NFYB: variants seen among roughly 807,000 people sequenced by gnomAD.
NFYB encodes CAAT box DNA-binding protein subunit B.
In NFYB, 13 loss-of-function variants were observed where a neutral mutation model predicts 28.0. The observed-to-expected ratio is 0.46, with a 90% CI of 0.30 to 0.74. The LOEUF is 0.74. Among genes scored for constraint, NFYB ranks in the 30% least tolerant of loss-of-function variants. The pLI, the probability that NFYB is intolerant of heterozygous loss-of-function variation, is 0.07. For synonymous variants in NFYB, 74 were observed against 75.0 expected, an observed-to-expected ratio of 0.99 and a Z score of 0.07; for missense variants, 142 against 247.6, an observed-to-expected ratio of 0.57 and a Z score of 2.86.
intron 1 of NFYB, 159 bp downstream of exon 1, chr12:104,137,982 G>T (rs1170831849): frequency 6.9e-6 from 1 of 144,948 alleles, no homozygotes; most frequent in Admixed American, 6.8e-5. Flanking sequence ...CCTCGCAGGC[G>T]CGGGGCCCGG....
At chr12:104,131,961 A>G (rs1291966342) in intron 2 of NFYB, 1 of 348,404 alleles carries the variant, frequency 2.9e-6, no homozygotes, top group African/African-American at 2.1e-5. Flanking sequence ...AACAAACTGG[A>G]TGAGAACAAG....
chr12:104,126,417 T>A (rs2030717131), intron 3 of NFYB, among the ~76,000 whole-genome samples, 173 bp from the exon 4 acceptor site: 1 of 152,210 alleles, frequency 6.6e-6, no homozygotes, highest in African/African-American at 2.4e-5. Flanking sequence ...ACTGAACTTT[T>A]TTTTTATTAA....
Position 104,126,237 on chromosome 12 carries a change from C to T in NFYB, c.108G>A (p.Glu36=), listed in dbSNP as rs137893701. The change falls in exon 4 of 8, where the codon GAG becomes GAA. Residue 36 remains glutamate (E), a synonymous_variant. Transcript: ENST00000240055. ...HYVIQPHDDT[E]DSMNDHEDTN... ...TGTCTTCATGATCATTCATGCTGTC[C>T]TCAGTATCTAAAGAAATAAAAATAT... The T allele has an allele frequency of 9.0e-5, 141 of 1,568,482 alleles. No individual in the cohort carries two copies. Among genetic ancestry groups the T allele is most frequent in the Non-Finnish European group, 1.1e-4 (124 of 1,163,264 alleles).
In NFYB at chr12:104,133,016, C is replaced by G. The variant is rs138624770; in HGVS notation, c.6+2432G>C. Among the ~76,000 whole-genome samples the G allele has an allele frequency of 3.2e-3, 489 of 152,248 alleles. 10 individuals are homozygous for G. Among genetic ancestry groups the G allele is most frequent in the South Asian group, 0.03 (144 of 4,816 alleles). ...ATTTAGTTGAATTGACAGAATTATT[C>G]TTGAAAATATTATTTGAAATAAACA... On this transcript the variant is annotated intron_variant, in intron 2 of 7. Coordinates refer to ENST00000240055, the MANE Select transcript of NFYB (RefSeq NM_006166.4).
rs79267503 is a variant in NFYB at position 104,132,357 on chromosome 12, G to A, written c.6+3091C>T. 6.8e-3 allele frequency among the ~76,000 whole-genome samples: 1,039 copies of A among 152,114 alleles called. 9 individuals carry two copies. The highest frequency in any genetic ancestry group is 0.012 in the Non-Finnish European group (785 of 67,992). ...GGGCTAGATCAAGCAGTGTCCGGTGGACAAGAGGAAATCAAAGAGTTTTAA... is the reference window on the plus strand; with the variant it reads ...GGGCTAGATCAAGCAGTGTCCGGTGAACAAGAGGAAATCAAAGAGTTTTAA... On this transcript the variant is annotated intron_variant, in intron 2 of 7. Coordinates refer to ENST00000240055, the MANE Select transcript of NFYB (RefSeq NM_006166.4).
chr12:104,136,553 T>G (rs2031106629), intron 1 of NFYB, among the ~76,000 whole-genome samples: 1 of 152,212 alleles, frequency 6.6e-6, no homozygotes, highest in African/African-American at 2.4e-5. Flanking sequence ...AAGTCCTTCC[T>G]TGTAACGAGA....
intron 2 of NFYB, among the ~76,000 whole-genome samples, chr12:104,135,077 C>T (rs1379206534): frequency 3.3e-5 from 5 of 152,196 alleles, no homozygotes; most frequent in Non-Finnish European, 5.9e-5. Context: ...CAGGATCCCT[C>T]TGTGACATTC....
At chr12:104,133,036 TAAAC>T (rs1377139647) in intron 2 of NFYB, among the ~76,000 whole-genome samples, 3 of 152,218 alleles carry the variant, frequency 2.0e-5, no homozygotes, top group Non-Finnish European at 2.9e-5. Context: ...TTATTTGAAA[TAAAC>T]AGGTAGTGGG....
At chr12:104,128,877 A>C (rs939966601) in intron 2 of NFYB, among the ~76,000 whole-genome samples, 5 of 152,074 alleles carry the variant, frequency 3.3e-5, no homozygotes, top group African/African-American at 1.2e-4. Context: ...TATGTTGCCC[A>C]GGCTGGTCTG....
rs771347932 is a variant in NFYB, at chr12:104,123,346, T to C, written c.309A>G (p.Glu103=). ...TTTTCCGTTTCTCTTGATGGCACCT[T>C]TCACTTGCTTCAGATGTTATAAAAC... is the stretch of plus-strand genomic sequence containing the variant. ...FISFITSEAS[E]RCHQEKRKTI... Residue 103 remains glutamate, a synonymous_variant, in exon 5 of 8, where the codon GAA becomes GAG. Coordinates refer to ENST00000240055, the MANE Select transcript of NFYB (RefSeq NM_006166.4). The C allele has an allele frequency of 2.5e-6, 4 of 1,614,144 alleles. No homozygotes were observed. Among genetic ancestry groups the C allele is most frequent in the South Asian group, 1.1e-5 (1 of 91,080 alleles).
At chr12:104,121,890 T>G (rs1165349033) in intron 5 of NFYB, among the ~76,000 whole-genome samples, 1 of 152,224 alleles carries the variant, frequency 6.6e-6, no homozygotes, top group Non-Finnish European at 1.5e-5. Context: ...ACTAAAGATA[T>G]TAAGAATATA....
At chr12:104,135,355 C>T (rs1023541200) in intron 2 of NFYB, 93 bp downstream of exon 2, 8 of 1,092,146 alleles carry the variant, frequency 7.3e-6, no homozygotes, top group Non-Finnish European at 9.3e-6. Flanking sequence ...ATTCATTCTA[C>T]CAGGCACCTC....
intron 4 of NFYB, among the ~76,000 whole-genome samples, chr12:104,125,001 C>T (rs1037652667): frequency 1.3e-4 from 19 of 151,802 alleles, no homozygotes; most frequent in Admixed American, 7.2e-4. Context: ...TGATATAAAA[C>T]GTGTGAATTT....
intron 4 of NFYB, chr12:104,125,093 AATTTAAATGT>A (rs1434763740): frequency 6.6e-6 from 1 of 152,208 alleles, no homozygotes; most frequent in Non-Finnish European, 1.5e-5. Flanking sequence ...AAAAAATATC[AATTTAAATGT>A]ATCTTAGTAT....
intron 2 of NFYB, chr12:104,131,741 G>A (rs1442838746): frequency 1.5e-5 from 7 of 455,896 alleles, no homozygotes; most frequent in Middle Eastern, 3.2e-4. Flanking sequence ...CTGAGTGAGC[G>A]CTTAGTATTT....
intron 1 of NFYB, chr12:104,137,299 T>TA (rs1370984638): frequency 6.6e-6 from 1 of 152,292 alleles, no homozygotes. Context: ...TACCGTTCTT[T>TA]AAGGCCCTGC....
rs2030386965 is a variant in NFYB, at chr12:104,119,560, T to C, written c.*177A>G. On this transcript the variant is annotated 3_prime_UTR_variant, in exon 8 of 8. Coordinates refer to ENST00000240055, the MANE Select transcript of NFYB (RefSeq NM_006166.4). Reference sequence around the variant, plus strand: ...CCAAATTTTTCTTTAAAATCATTCATGAAAAAGATTCTCAAGTCAGAATTA... The same window carrying C: ...CCAAATTTTTCTTTAAAATCATTCACGAAAAAGATTCTCAAGTCAGAATTA... 2.0e-6 allele frequency: 1 copy of C among 490,884 alleles called. No individual in the cohort carries two copies. The highest frequency in any genetic ancestry group is 3.0e-5 in the East Asian group (1 of 33,524). 30.4% of individuals were successfully genotyped at this position (490,884 alleles called of 1,614,324 possible). A position where few individuals can be genotyped will look rare whatever the true frequency, so the allele number is the denominator to read the frequency against.
At chr12:104,125,487 CAAAA>C (rs759904666) in intron 4 of NFYB, 5 of 104,284 alleles carry the variant, frequency 4.8e-5, no homozygotes, top group Non-Finnish European at 6.0e-5. Flanking sequence ...AACTCCGTCT[CAAAA>C]AAAAAAAAAA....
intron 3 of NFYB, among the ~76,000 whole-genome samples, chr12:104,127,665 T>C (rs1402482905): frequency 1.1e-4 from 13 of 113,122 alleles, no homozygotes; most frequent in African/African-American, 3.5e-4. Flanking sequence ...AACACTGCCT[T>C]TTTTTTTTTT....
Sources: gnomAD v4.1 joint callset for allele counts (sites outside exome capture counted in the v4.1 genomes callset) on GRCh38, gnomAD v4.1.1 for gene constraint, MANE v1.5 for transcripts, NCBI Gene and HGNC (gene_info 2026-07-23, HGNC 2026-07-21) for gene names.